Variants in FAM133B observed in about 807,000 individuals in gnomAD.
The protein encoded by FAM133B is family with sequence similarity 133 member B.
A neutral mutation model predicts 46.4 loss-of-function variants in FAM133B; 25 were observed. That is an observed-to-expected ratio of 0.54 (90% CI 0.39 to 0.75). The LOEUF (loss-of-function observed/expected upper bound fraction) is 0.75. FAM133B is among the 30% of genes least tolerant of loss of function. FAM133B has a pLI of 0.00. For synonymous variants in FAM133B, 75 were observed against 86.0 expected, an observed-to-expected ratio of 0.87 and a Z score of 0.71; for missense variants, 205 against 277.6, an observed-to-expected ratio of 0.74 and a Z score of 1.86.
At chr7:92,565,919 G>A (rs1350166164) in intron 10 of FAM133B, 95 bp downstream of exon 10, 5 of 1,300,156 alleles carry the variant, frequency 3.8e-6, no homozygotes, top group Non-Finnish European at 5.5e-6. Flanking sequence ...TACTTATTTG[G>A]TCCCAGTAAA....
intron 8 of FAM133B, among the ~76,000 whole-genome samples, chr7:92,573,028 A>T (rs1328045036): frequency 1.3e-5 from 2 of 148,848 alleles, no homozygotes; most frequent in Non-Finnish European, 3.0e-5. Flanking sequence ...ATAACTAATT[A>T]AAAAAAAAAG....
At chr7:92,569,346 G>A (rs757972822) in intron 9 of FAM133B, among the ~76,000 whole-genome samples, 8 of 152,030 alleles carry the variant, frequency 5.3e-5, no homozygotes, top group Non-Finnish European at 1.0e-4. Flanking sequence ...ATCTCATTTA[G>A]TTCTCACAAC....
At chr7:92,581,974 T>G (rs1339970131) in intron 1 of FAM133B, among the ~76,000 whole-genome samples, 3 of 152,114 alleles carry the variant, frequency 2.0e-5, no homozygotes, top group Admixed American at 6.5e-5. Flanking sequence ...CCAGGCTTGG[T>G]GCAGTGGCTC....
intron 9 of FAM133B, 63 bp downstream of exon 9, chr7:92,569,760 T>C: frequency 1.3e-6 from 1 of 777,584 alleles, no homozygotes. Context: ...TTCTAAGTCA[T>C]ATTTATTAAA....
rs1794337796 is a variant in FAM133B at position 92,566,041 on chromosome 7, TTTC to T, written c.627_629del (p.Lys210del). ...TTGCTTTTTCTCGTTCTTCACTGCTTTTCTTCTTTTTTGCTCGCACCTAGAAAG... is the reference window on the plus strand; with the variant it reads ...TTGCTTTTTCTCGTTCTTCACTGCTTTTCTTTTTTGCTCGCACCTAGAAAG... On this transcript the variant is annotated inframe_deletion, in exon 10 of 11. Transcript: ENST00000445716. The T allele has an allele frequency of 3.7e-6, 6 of 1,613,738 alleles. No individual in the cohort carries two copies. Among genetic ancestry groups the T allele is most frequent in the African/African-American group, 2.7e-5 (2 of 74,938 alleles).
intron 2 of FAM133B, among the ~76,000 whole-genome samples, chr7:92,581,056 G>T: frequency 6.6e-6 from 1 of 152,190 alleles, no homozygotes; most frequent in Non-Finnish European, 1.5e-5. Context: ...ACATACTAAA[G>T]AATAACATGG....
At chr7:92,583,846 C>T (rs542392733) in intron 1 of FAM133B, among the ~76,000 whole-genome samples, 7 of 151,620 alleles carry the variant, frequency 4.6e-5, no homozygotes, top group Non-Finnish European at 7.4e-5. Flanking sequence ...GTCAGGAGTT[C>T]GAGATCAGCC....
chr7:92,574,651 A>G (rs1234978353), intron 8 of FAM133B, among the ~76,000 whole-genome samples: 6 of 150,078 alleles, frequency 4.0e-5, no homozygotes, highest in Non-Finnish European at 8.9e-5. Context: ...CACGCCTGTA[A>G]TCCCAGCACT....
intron 9 of FAM133B, among the ~76,000 whole-genome samples, chr7:92,568,088 ATT>A (rs1180397251): frequency 6.6e-6 from 1 of 151,824 alleles, no homozygotes; most frequent in Non-Finnish European, 1.5e-5. Context: ...AAAAAATAAA[ATT>A]TTTTTATTTT....
At chr7:92,567,492 A>T (rs1219430503) in intron 9 of FAM133B, among the ~76,000 whole-genome samples, 3 of 152,248 alleles carry the variant, frequency 2.0e-5, no homozygotes, top group African/African-American at 7.2e-5. Context: ...GACTAAAAAA[A>T]ATATAACACA....
At chr7:92,573,545 TTTG>T (rs1794601524) in intron 8 of FAM133B, among the ~76,000 whole-genome samples, 1 of 152,034 alleles carries the variant, frequency 6.6e-6, no homozygotes, top group Non-Finnish European at 1.5e-5. Flanking sequence ...TATATTAATA[TTTG>T]TTGATTACAT....
chr7:92,578,561 C>T (rs1441360935), intron 3 of FAM133B, among the ~76,000 whole-genome samples, 168 bp from the exon 4 acceptor site: 1 of 152,168 alleles, frequency 6.6e-6, no homozygotes, highest in African/African-American at 2.4e-5. Flanking sequence ...GACCCTATCA[C>T]CAAAGGACCC....
intron 1 of FAM133B, among the ~76,000 whole-genome samples, chr7:92,583,014 T>C (rs1450520562): frequency 6.6e-6 from 1 of 152,212 alleles, no homozygotes; most frequent in Non-Finnish European, 1.5e-5. Flanking sequence ...ACTAAACAGA[T>C]ACTTGTACAC....
At chr7:92,584,070 A>G (rs1250460535) in intron 1 of FAM133B, among the ~76,000 whole-genome samples, 2 of 150,402 alleles carry the variant, frequency 1.3e-5, no homozygotes, top group Non-Finnish European at 1.5e-5. Context: ...AAAAAAAAAA[A>G]AAAGAAAGGG....
At position 92,579,398 on chromosome 7, in the gene FAM133B, T is replaced by TA. The variant is rs1279966966; in HGVS notation, c.123-4dup. The TA allele has an allele frequency of 1.9e-6, 3 of 1,594,690 alleles. No homozygotes were observed. The highest frequency in any genetic ancestry group is 1.8e-5 in the Admixed American group (1 of 56,616). On this transcript the variant is annotated splice_region_variant and splice_polypyrimidine_tract_variant and intron_variant, in intron 2 of 10. Transcript: ENST00000445716. ...CTAGTTGCTCTTTTACTTCTTCCCT[T>TA]AAAAAATAGAATGTACAAACAAAAT...
At position 92,581,604 on chromosome 7, in the gene FAM133B, C is replaced by T; in HGVS notation, c.25-1G>A. Reference sequence around the variant, plus strand: ...CCATTGCTATTGGGTTCATATAGGCCTTGGGGAAAGAACAACAATTAATCC... The same window carrying T: ...CCATTGCTATTGGGTTCATATAGGCTTTGGGGAAAGAACAACAATTAATCC... On this transcript the variant is annotated splice_acceptor_variant, in intron 1 of 10. Coordinates refer to ENST00000445716, the MANE Select transcript of FAM133B (RefSeq NM_152789.4). LOFTEE classifies it high-confidence loss of function. The T allele has an allele frequency of 6.2e-7, 1 of 1,612,520 alleles. No homozygotes were observed. Among genetic ancestry groups the T allele is most frequent in the Non-Finnish European group, 8.5e-7 (1 of 1,178,812 alleles).
In FAM133B at chr7:92,590,269, ACCCGATTGTCCCGCTTC is replaced by A; in HGVS notation, c.6_22del (p.Lys3GlyfsTer52). The A allele has an allele frequency of 1.2e-6, 2 of 1,613,484 alleles. No individual in the cohort carries two copies. Among genetic ancestry groups the A allele is most frequent in the Non-Finnish European group, 1.7e-6 (2 of 1,179,602 alleles). On this transcript the variant is annotated frameshift_variant and splice_region_variant, in exon 1 of 11. Coordinates refer to ENST00000445716, the MANE Select transcript of FAM133B (RefSeq NM_152789.4). LOFTEE classifies it high-confidence loss of function. ...CTGTTTTCCCGGCTGAGTACTCACC[ACCCGATTGTCCCGCTTC>A]CCCATGGTGCTGGATCGAGCGCACA...
intron 9 of FAM133B, among the ~76,000 whole-genome samples, chr7:92,568,084 T>C (rs968448919): frequency 1.3e-5 from 2 of 151,928 alleles, no homozygotes; most frequent in African/African-American, 4.8e-5. Flanking sequence ...TTTTAAAAAA[T>C]AAAATTTTTT....
chr7:92,585,146 A>G (rs1795005250), intron 1 of FAM133B, among the ~76,000 whole-genome samples: 1 of 152,148 alleles, frequency 6.6e-6, no homozygotes, highest in African/African-American at 2.4e-5. Flanking sequence ...ACCAATCCCA[A>G]ACAGAAGGCT....
Sources: gnomAD v4.1 joint callset for allele counts (sites outside exome capture counted in the v4.1 genomes callset) on GRCh38, gnomAD v4.1.1 for gene constraint, MANE v1.5 for transcripts, NCBI Gene and HGNC (gene_info 2026-07-23, HGNC 2026-07-21) for gene names.